AGBL1: variants seen among roughly 807,000 people sequenced by gnomAD.
AGBL1 encodes AGBL carboxypeptidase 1.
Under a neutral mutation model 118.9 loss-of-function variants are expected in AGBL1, and 130 were observed. That is an observed-to-expected ratio of 1.09 (90% confidence interval 0.95 to 1.26). The LOEUF (loss-of-function observed/expected upper bound fraction) is 1.26, where lower values mean the gene tolerates loss of function less well. Ranked by LOEUF, AGBL1 falls within the 50% of genes most tolerant of loss-of-function variation. AGBL1 has a pLI of 0.00. For missense variants in AGBL1, 1,584 were observed against 1,298.1 expected (o/e 1.22, Z -3.38); for synonymous variants, 555 against 478.9 (o/e 1.16, Z -2.08).
At chr15:86,944,377 A>AAATAAT (rs368084988) in intron 23 of AGBL1, among the ~76,000 whole-genome samples, 3,643 of 151,498 alleles carry the variant, frequency 0.024, 65 homozygotes, top group Middle Eastern at 0.055. Context: ...AACTCCGTCT[A>AAATAAT]AATAATAATA....
At chr15:86,742,832 A>G (rs575299251) in intron 22 of AGBL1, among the ~76,000 whole-genome samples, 15 of 152,296 alleles carry the variant, frequency 9.8e-5, no homozygotes, top group African/African-American at 3.6e-4. Context: ...GTTAGTCACT[A>G]AATTAAATTC....
At chr15:86,718,767 C>T (rs955018698) in intron 22 of AGBL1, among the ~76,000 whole-genome samples, 1 of 151,938 alleles carries the variant, frequency 6.6e-6, no homozygotes, top group Non-Finnish European at 1.5e-5. Context: ...AAATGAAGGA[C>T]TTTTTTAAAA....
At chr15:86,228,893 T>G (rs1332024263) in intron 6 of AGBL1, among the ~76,000 whole-genome samples, 32 of 152,184 alleles carry the variant, frequency 2.1e-4, no homozygotes, top group Admixed American at 2.1e-3. Context: ...TCCTACAAAT[T>G]AAAAATCATT....
At chr15:86,436,149 A>C (rs2081998505) in intron 18 of AGBL1, among the ~76,000 whole-genome samples, 2 of 124,498 alleles carry the variant, frequency 1.6e-5, no homozygotes, top group South Asian at 2.7e-4. Flanking sequence ...TAAGCCTTGC[A>C]TGCATATAGA....
intron 22 of AGBL1, among the ~76,000 whole-genome samples, chr15:86,867,355 T>A (rs2079647489): frequency 6.6e-6 from 1 of 152,284 alleles, no homozygotes; most frequent in South Asian, 2.1e-4. Flanking sequence ...TAACTTTACA[T>A]TTTACAAATC....
intron 18 of AGBL1, among the ~76,000 whole-genome samples, chr15:86,402,762 G>A (rs1334009626): frequency 1.3e-5 from 2 of 152,150 alleles, no homozygotes; most frequent in Non-Finnish European, 1.5e-5. Flanking sequence ...TGATAAGAGT[G>A]TCCAGTGAAA....
chr15:86,107,125 A>G (rs1267762152), intron 1 of AGBL1, among the ~76,000 whole-genome samples: 2 of 152,222 alleles, frequency 1.3e-5, no homozygotes, highest in East Asian at 1.9e-4. Context: ...AAGCTGATGT[A>G]TGCACACCAA....
chr15:86,290,763 A>C (rs979355664), intron 16 of AGBL1, among the ~76,000 whole-genome samples: 7 of 151,942 alleles, frequency 4.6e-5, no homozygotes, highest in African/African-American at 1.7e-4. Context: ...ATATGTATAC[A>C]TGTGCCATGC....
At chr15:86,883,027 G>C (rs920197638) in intron 22 of AGBL1, among the ~76,000 whole-genome samples, 1 of 152,278 alleles carries the variant, frequency 6.6e-6, no homozygotes, top group East Asian at 1.9e-4. Flanking sequence ...TTGGTAGTTA[G>C]TATTCTTCAC....
chr15:86,737,701 C>G (rs2077621573), intron 22 of AGBL1, among the ~76,000 whole-genome samples: 1 of 152,186 alleles, frequency 6.6e-6, no homozygotes, highest in Non-Finnish European at 1.5e-5. Flanking sequence ...ATCCCACATA[C>G]TGCTGCTCTG....
intron 18 of AGBL1, among the ~76,000 whole-genome samples, chr15:86,515,889 G>A (rs1174851234): frequency 2.6e-5 from 4 of 152,216 alleles, no homozygotes; most frequent in East Asian, 3.9e-4. Context: ...ACATGTGCCC[G>A]AGGTGGTTGG....
intron 1 of AGBL1, among the ~76,000 whole-genome samples, chr15:86,081,446 AG>A (rs1389298181): frequency 6.6e-6 from 1 of 152,222 alleles, no homozygotes; most frequent in Non-Finnish European, 1.5e-5. Flanking sequence ...GAAGTGAAAT[AG>A]GCTCCTTGAT....
chr15:86,707,978 C>G (rs994272172), intron 22 of AGBL1, among the ~76,000 whole-genome samples: 2 of 152,134 alleles, frequency 1.3e-5, no homozygotes, highest in Admixed American at 1.3e-4. Context: ...CTTTTAGCTA[C>G]TCAGTCTCAA....
intron 23 of AGBL1, among the ~76,000 whole-genome samples, chr15:86,927,443 A>G (rs556777070): frequency 1.2e-3 from 174 of 150,348 alleles, no homozygotes; most frequent in Non-Finnish European, 1.9e-3. Flanking sequence ...AAAAATAGCC[A>G]GGTGTGGTGG....
intron 18 of AGBL1, among the ~76,000 whole-genome samples, chr15:86,456,146 G>C (rs371075407): frequency 2.6e-5 from 4 of 152,218 alleles, no homozygotes; most frequent in African/African-American, 9.6e-5. Context: ...TGTTCCTCTA[G>C]ATTAAAACAA....
intron 18 of AGBL1, among the ~76,000 whole-genome samples, chr15:86,470,027 C>T (rs1183426166): frequency 1.3e-5 from 2 of 152,130 alleles, no homozygotes; most frequent in African/African-American, 4.8e-5. Context: ...GTAGGTTGTT[C>T]TTTCATTCTG....
At position 86,743,448 on chromosome 15, in the gene AGBL1, CCT is replaced by C. The variant is rs199775137; in HGVS notation, c.3158+69015_3158+69016del. Reference sequence around the variant, plus strand: ...TCAGAACCACCTGGGCTGTTTTTCCCCTCTTAGTAGGCTGAGCTTCTGGCAAG... The same window carrying C: ...TCAGAACCACCTGGGCTGTTTTTCCCCTTAGTAGGCTGAGCTTCTGGCAAG... On this transcript the variant is annotated intron_variant, in intron 22 of 22. Coordinates refer to ENST00000614907, the MANE Select transcript of AGBL1 (RefSeq NM_001386094.1). Among the ~76,000 whole-genome samples, 1,510 of 152,194 alleles carry C rather than the reference CCT, an allele frequency of 9.9e-3. 21 individuals carry two copies. The highest frequency in any genetic ancestry group is 0.034 in the African/African-American group (1,422 of 41,530).
At chr15:86,638,634 G>C (rs977218026) in intron 21 of AGBL1, among the ~76,000 whole-genome samples, 1 of 152,136 alleles carries the variant, frequency 6.6e-6, no homozygotes, top group Admixed American at 6.5e-5. Flanking sequence ...TAAGTAATCC[G>C]AATAGAGAGC....
intron 17 of AGBL1, among the ~76,000 whole-genome samples, chr15:86,365,219 G>T (rs1271151290): frequency 6.6e-6 from 1 of 151,886 alleles, no homozygotes; most frequent in African/African-American, 2.4e-5. Flanking sequence ...TTTTAAAATT[G>T]GATTAATTAG....
Sources: gnomAD v4.1 joint callset for allele counts (sites outside exome capture counted in the v4.1 genomes callset) on GRCh38, gnomAD v4.1.1 for gene constraint, MANE v1.5 for transcripts, NCBI Gene and HGNC (gene_info 2026-07-23, HGNC 2026-07-21) for gene names.